Variants in ACSL4 observed in about 807,000 individuals in gnomAD.
The protein encoded by ACSL4 is long-chain-fatty-acid--CoA ligase 4.
ACSL4 carries 9 observed loss-of-function variants against 49.1 expected under a neutral mutation model. That is an observed-to-expected ratio of 0.18 (90% CI 0.11 to 0.32). The LOEUF (loss-of-function observed/expected upper bound fraction) is 0.32. Ranked by LOEUF, ACSL4 falls within the 10% of genes least tolerant of loss-of-function variation. The probability of loss-of-function intolerance (pLI) is 1.00; values close to 1 mark genes in which losing one functional copy is unlikely to be tolerated. For synonymous variants in ACSL4, 191 were observed against 170.3 expected (o/e 1.12, Z -0.95); for missense variants, 333 against 493.7 (o/e 0.67, Z 3.08).
At chrX:109,727,418 C>T (rs189081305) in intron 1 of ACSL4, among the ~76,000 whole-genome samples, 5 of 111,853 alleles carry the variant, frequency 4.5e-5, no homozygotes, top group Admixed American at 3.8e-4. Context: ...ACATCATAGA[C>T]TGCATAGAAG....
intron 3 of ACSL4, 72 bp from the exon 4 acceptor site, chrX:109,682,968 A>C (rs1339126729): frequency 9.1e-7 from 1 of 1,103,823 alleles, no homozygotes; most frequent in Non-Finnish European, 1.2e-6. Context: ...AAAGCATAAA[A>C]CTCTAAAAAT....
At chrX:109,710,775 A>G (rs969356053) in intron 1 of ACSL4, among the ~76,000 whole-genome samples, 3 of 112,159 alleles carry the variant, frequency 2.7e-5, no homozygotes, top group Non-Finnish European at 3.8e-5. Context: ...CAGTGGCACA[A>G]TCATAGCTCA....
chrX:109,645,633 A>C (rs932125809), intron 15 of ACSL4, among the ~76,000 whole-genome samples: 1 of 112,669 alleles, frequency 8.9e-6, no homozygotes, highest in African/African-American at 3.2e-5. Flanking sequence ...CTCCAAAGGA[A>C]TGCAGTTCCT....
At position 109,674,632 on chromosome X, in the gene ACSL4, G is replaced by A. The variant is rs750000663; in HGVS notation, c.931-159C>T. On this transcript the variant is annotated intron_variant, in intron 8 of 15. Coordinates refer to ENST00000672401, the MANE Select transcript of ACSL4 (RefSeq NM_001318510.2). ...CTATCATAACCTACAAGTCTCAAAT[G>A]TAAGTATTTTAGTGCTACAGATAAC... Among the ~76,000 whole-genome samples the A allele has an allele frequency of 3.0e-4, 34 of 112,356 alleles. No individual in the cohort carries two copies. In the South Asian group the frequency reaches 0.01, roughly 34 times the overall value.
chrX:109,699,290 C>T (rs1925690199), intron 1 of ACSL4, among the ~76,000 whole-genome samples: 1 of 111,789 alleles, frequency 8.9e-6, no homozygotes, highest in East Asian at 2.8e-4. Flanking sequence ...TCACTTGAAC[C>T]CGGGAGTCAA....
chrX:109,690,271 T>C (rs1309324037), intron 2 of ACSL4, among the ~76,000 whole-genome samples: 2 of 112,425 alleles, frequency 1.8e-5, no homozygotes, highest in Non-Finnish European at 3.8e-5. Context: ...ATGATACTGC[T>C]ATCCCATCAT....
Position 109,644,044 on chromosome X carries a change from C to T in ACSL4, c.1998G>A (p.Met666Ile). 1 of 1,211,674 alleles carries T rather than the reference C, an allele frequency of 8.3e-7. No homozygotes were observed. Among genetic ancestry groups the T allele is most frequent in the Non-Finnish European group, 1.1e-6 (1 of 895,386 alleles). Reference sequence around the variant, plus strand: ...CAACAACATTTTATTTGCCCCCATACATTCGTTCAATGTCTTTGAGGTAAT... The same window carrying T: ...CAACAACATTTTATTTGCCCCCATATATTCGTTCAATGTCTTTGAGGTAAT... ...RNHYLKDIER[M>I]YGGK The change falls in exon 16 of 16, where the codon ATG becomes ATA. Residue 666 changes from methionine to isoleucine, a missense_variant. Physicochemically the swap from Met to Ile is conservative, Grantham distance 10. Coordinates refer to ENST00000672401, the MANE Select transcript of ACSL4 (RefSeq NM_001318510.2).
intron 2 of ACSL4, among the ~76,000 whole-genome samples, chrX:109,686,386 AATG>A (rs1924608463): frequency 8.9e-6 from 1 of 112,287 alleles, no homozygotes; most frequent in African/African-American, 3.2e-5. Context: ...CATTTTAAAA[AATG>A]ATTTCTTACT....
intron 1 of ACSL4, among the ~76,000 whole-genome samples, chrX:109,723,612 C>A (rs1927731581): frequency 9.0e-6 from 1 of 111,604 alleles, no homozygotes; most frequent in Admixed American, 9.6e-5. Flanking sequence ...TATAACTTAC[C>A]ATTATTTAAA....
rs2147438005 is a variant in ACSL4, at chrX:109,678,426, G to C, written c.656-11C>G. The C allele has an allele frequency of 1.7e-6, 2 of 1,209,391 alleles. No individual in the cohort carries two copies. The highest frequency in any genetic ancestry group is 5.9e-5 in the East Asian group (2 of 33,842). ...TTGGAGGAATGCCCACTAAATGAATGAATGAAAAATATCACATTTACTTCA... is the reference window on the plus strand; with the variant it reads ...TTGGAGGAATGCCCACTAAATGAATCAATGAAAAATATCACATTTACTTCA... On this transcript the variant is annotated splice_polypyrimidine_tract_variant and intron_variant, in intron 6 of 15. Transcript: ENST00000672401.
intron 1 of ACSL4, among the ~76,000 whole-genome samples, chrX:109,723,565 TTC>T (rs1927729002): frequency 8.9e-6 from 1 of 112,155 alleles, no homozygotes. Context: ...GAGGCTTTTC[TTC>T]TTTTTTTATT....
At chrX:109,719,177 T>C (rs1302429256) in intron 1 of ACSL4, among the ~76,000 whole-genome samples, 2 of 112,188 alleles carry the variant, frequency 1.8e-5, no homozygotes, top group Non-Finnish European at 3.8e-5. Flanking sequence ...TAGGAACAAA[T>C]CTTCTGTTTT....
intron 12 of ACSL4, 60 bp downstream of exon 12, chrX:109,665,360 A>G (rs2147399786): frequency 2.0e-6 from 2 of 1,024,792 alleles, no homozygotes; most frequent in East Asian, 6.1e-5. Context: ...TGAAAGTCAT[A>G]AAGCTGACAG....
At position 109,668,281 on chromosome X, in the gene ACSL4, A is replaced by T; in HGVS notation, c.1143-8T>A. On this transcript the variant is annotated splice_polypyrimidine_tract_variant and splice_region_variant and intron_variant, in intron 10 of 15. Transcript: ENST00000672401. The stretch of plus-strand genomic sequence containing the variant: ...ACCTTTTTAAACAGTAACCTTAATA[A>T]AGGGAGGATAAATGATTTTAATGTA... The T allele has an allele frequency of 8.4e-7, 1 of 1,185,040 alleles. No homozygotes were observed. Among genetic ancestry groups the T allele is most frequent in the Non-Finnish European group, 1.1e-6 (1 of 876,003 alleles).
intron 1 of ACSL4, among the ~76,000 whole-genome samples, chrX:109,724,130 T>C (rs1406618523): frequency 8.9e-6 from 1 of 112,232 alleles, no homozygotes; most frequent in East Asian, 2.8e-4. Context: ...GGTTATGTAA[T>C]TTAAAAGGTT....
intron 1 of ACSL4, among the ~76,000 whole-genome samples, chrX:109,703,958 T>C (rs1353077894): frequency 1.8e-5 from 2 of 111,574 alleles, no homozygotes; most frequent in African/African-American, 3.3e-5. Flanking sequence ...TTCTTAGACA[T>C]ATTAGATAAA....
chrX:109,678,010 G>A lies in ACSL4; in HGVS notation c.908C>T (p.Ser303Phe). ...CACCTGGTCAGAGAGTGTAAGCGGAGAAGAATATCCAATCCTGCAGCCATA... is the reference window on the plus strand; with the variant it reads ...CACCTGGTCAGAGAGTGTAAGCGGAAAAGAATATCCAATCCTGCAGCCATA... ...FTYGCRIGYSSPLTLSDQSSK... is the reference protein window; with the variant it reads ...FTYGCRIGYSFPLTLSDQSSK... The change falls in exon 8 of 16, where the codon TCT becomes TTT. Residue 303 changes from serine (S) to phenylalanine (F), a missense_variant. By Grantham distance (155) the Ser-to-Phe change is radical. Transcript: ENST00000672401. The A allele has an allele frequency of 3.3e-6, 4 of 1,211,504 alleles. No homozygotes were observed. The highest frequency in any genetic ancestry group is 4.5e-6 in the Non-Finnish European group (4 of 895,253).
At chrX:109,664,598 T>C (rs1922477915) in intron 12 of ACSL4, among the ~76,000 whole-genome samples, 1 of 111,830 alleles carries the variant, frequency 8.9e-6, no homozygotes, top group Admixed American at 9.5e-5. Context: ...ACACACATAA[T>C]AAAAAATGCT....
intron 6 of ACSL4, among the ~76,000 whole-genome samples, chrX:109,680,582 CT>C (rs1442723208): frequency 8.9e-6 from 1 of 112,575 alleles, no homozygotes; most frequent in East Asian, 2.8e-4. Context: ...AAGCATTAAT[CT>C]TGGTAAACAG....
Sources: gnomAD v4.1 joint callset for allele counts (sites outside exome capture counted in the v4.1 genomes callset) on GRCh38, gnomAD v4.1.1 for gene constraint, MANE v1.5 for transcripts, NCBI Gene and HGNC (gene_info 2026-07-23, HGNC 2026-07-21) for gene names.